Variants in GBP1 observed in about 807,000 individuals in gnomAD.
The protein encoded by GBP1 is guanylate binding protein 1.
A neutral mutation model predicts 69.5 loss-of-function variants in GBP1; 64 were observed. The ratio of observed to expected loss-of-function variants is 0.92; its 90% CI spans 0.75 to 1.13. The LOEUF (loss-of-function observed/expected upper bound fraction) is 1.13. Among genes scored for constraint, GBP1 ranks in the 50% most tolerant of loss-of-function variants. GBP1 has a pLI of 0.00. For synonymous variants in GBP1, 250 were observed against 261.2 expected (o/e 0.96, Z 0.41); for missense variants, 630 against 704.1 (o/e 0.89, Z 1.19).
intron 2 of GBP1, among the ~76,000 whole-genome samples, chr1:89,062,515 T>C (rs1680225042): frequency 6.6e-6 from 1 of 152,228 alleles, no homozygotes; most frequent in African/African-American, 2.4e-5. Flanking sequence ...TTTTGTTTAG[T>C]TAATACAGTT....
At chr1:89,064,199 A>ATGTGTGTGTGTGTG (rs759907157) in intron 1 of GBP1, among the ~76,000 whole-genome samples, 3 of 100,800 alleles carry the variant, frequency 3.0e-5, no homozygotes, top group African/African-American at 1.1e-4. Flanking sequence ...GGGGCTGGGA[A>ATGTGTGTGTGTGTG]TGTGTGTGTG....
rs1680073155 is a variant in GBP1 at position 89,057,278 on chromosome 1, C to T, written c.875-144G>A. The T allele has an allele frequency of 2.6e-6, 3 of 1,175,904 alleles. No individual in the cohort carries two copies. The East Asian group carries it at 7.6e-5, about 30-fold the overall frequency. 72.8% of individuals were successfully genotyped at this position (1,175,904 alleles called of 1,614,324 possible). A position where few individuals can be genotyped will look rare whatever the true frequency, so the allele number is the denominator to read the frequency against. ...CTTGGAAGCTTGCTGGAAATAGACT[C>T]TCAGACCCTGTCCGAGATCTATTGA... On this transcript the variant is annotated intron_variant, in intron 6 of 10. Coordinates refer to ENST00000370473, the MANE Select transcript of GBP1 (RefSeq NM_002053.3).
intron 2 of GBP1, among the ~76,000 whole-genome samples, chr1:89,062,316 C>A (rs890186665): frequency 1.3e-5 from 2 of 152,184 alleles, no homozygotes; most frequent in African/African-American, 4.8e-5. Flanking sequence ...CGTACAATTA[C>A]TAAGCCTTAA....
At chr1:89,059,136 T>C in intron 4 of GBP1, 93 bp from the exon 5 acceptor site, 4 of 1,591,802 alleles carry the variant, frequency 2.5e-6, no homozygotes, top group Non-Finnish European at 3.4e-6. Flanking sequence ...TTTCCTTTGC[T>C]CCTAACCTAA....
chr1:89,055,464 T>G, intron 8 of GBP1: 1 of 445,404 alleles, frequency 2.2e-6, no homozygotes, highest in Non-Finnish European at 4.1e-6. Context: ...CCTGTTTAGA[T>G]TAAGGGCTCT....
At chr1:89,057,226 C>T in intron 6 of GBP1, 92 bp from the exon 7 acceptor site, 3 of 1,533,640 alleles carry the variant, frequency 2.0e-6, no homozygotes, top group Non-Finnish European at 2.7e-6. Flanking sequence ...ACCTATTTTC[C>T]TCACAGCATC....
chr1:89,057,662 A>C (rs1478698692), intron 6 of GBP1, among the ~76,000 whole-genome samples: 1 of 152,244 alleles, frequency 6.6e-6, no homozygotes, highest in East Asian at 1.9e-4. Flanking sequence ...TTAGTCCTTG[A>C]AATACAGGCA....
intron 10 of GBP1, 27 bp from the exon 11 acceptor site, chr1:89,053,495 T>G (rs186561045): frequency 6.2e-7 from 1 of 1,609,124 alleles, no homozygotes; most frequent in African/African-American, 1.3e-5. Flanking sequence ...GAAGGCTGAG[T>G]AAAGTGTAGC....
rs139412886 is a variant in GBP1 at position 89,057,846 on chromosome 1, A to G, written c.874+146T>C. 2.5e-4 allele frequency: 240 copies of G among 951,004 alleles called. 3 individuals are homozygous for G. The East Asian group carries it at 4.5e-3, about 18-fold the overall frequency. The allele number at this position is 951,004 out of a possible 1,614,324, so 58.9% of individuals were successfully genotyped here. A position where few individuals can be genotyped will look rare whatever the true frequency, so the allele number is the denominator to read the frequency against. On this transcript the variant is annotated intron_variant, in intron 6 of 10. Coordinates refer to ENST00000370473, the MANE Select transcript of GBP1 (RefSeq NM_002053.3). Reference sequence around the variant, plus strand: ...TCCTAGACTGGAAATGTGACTAACAATATATGTTAGAAACATTGGTGCCAT... The same window carrying G: ...TCCTAGACTGGAAATGTGACTAACAGTATATGTTAGAAACATTGGTGCCAT...
rs1193143143 is a variant in GBP1, at chr1:89,063,212, G to A, written c.23C>T (p.Thr8Ile). 1.2e-6 allele frequency: 2 copies of A among 1,614,072 alleles called. No homozygotes were observed. The highest frequency in any genetic ancestry group is 1.1e-5 in the South Asian group (1 of 91,086). ...GTTCTCAATGAGGCACATTGGGCCT[G>A]TCATGTGGATCTCTGATGCCATGTC... The part of the protein sequence containing the change: MASEIHM[T>I]GPMCLIENTN... The change falls in exon 2 of 11, where the codon ACA (threonine) becomes ATA (isoleucine). Residue 8 changes from threonine to isoleucine, a missense_variant. Thr to Ile is a moderately conservative substitution (Grantham distance 89). Transcript: ENST00000370473.
intron 1 of GBP1, among the ~76,000 whole-genome samples, chr1:89,064,488 C>T (rs976818341): frequency 5.3e-5 from 8 of 152,132 alleles, no homozygotes; most frequent in African/African-American, 1.9e-4. Context: ...GGAAGCACTT[C>T]AGTGAAGCAG....
Position 89,058,142 on chromosome 1 carries a change from C to T in GBP1, c.724G>A (p.Val242Ile), listed in dbSNP as rs143822672. 94 of 1,613,890 alleles carry T rather than the reference C, an allele frequency of 5.8e-5. No homozygotes were observed. The highest frequency in any genetic ancestry group is 7.4e-5 in the Non-Finnish European group (87 of 1,179,926). Reference sequence around the variant, plus strand: ...AGCTGGGCAAGCTTCCTGCGGTGAACGGGCCGATCAAAGACAAAGCATTTT... The same window carrying T: ...AGCTGGGCAAGCTTCCTGCGGTGAATGGGCCGATCAAAGACAAAGCATTTT... ...KKKCFVFDRP[V>I]HRRKLAQLEK... is the part of the protein sequence containing the mutation. The change falls in exon 6 of 11, where the codon GTT becomes ATT. Residue 242 changes from valine to isoleucine, a missense_variant. Val to Ile is a conservative substitution (Grantham distance 29). Transcript: ENST00000370473.
intron 4 of GBP1, 112 bp from the exon 5 acceptor site, chr1:89,059,155 G>A (rs1309412062): frequency 3.8e-6 from 6 of 1,587,012 alleles, no homozygotes; most frequent in Non-Finnish European, 5.1e-6. Flanking sequence ...AAGTGTCAGT[G>A]TCAGTTCTAA....
chr1:89,058,696 G>T, intron 5 of GBP1, 145 bp downstream of exon 5: 1 of 751,938 alleles, frequency 1.3e-6, no homozygotes, highest in Non-Finnish European at 2.2e-6. Context: ...TATTAATTTG[G>T]ATATTCAGCA....
At position 89,052,760 on chromosome 1, in the gene GBP1, T is replaced by G. The variant is rs1237934072; in HGVS notation, c.*595A>C. On this transcript the variant is annotated 3_prime_UTR_variant, in exon 11 of 11. Transcript: ENST00000370473. The stretch of plus-strand genomic sequence containing the variant: ...GAAGTTTTCTTCATTAGCCCAATTG[T>G]TTATCACTCAATTCCTACTCCTGCC... The G allele has an allele frequency of 6.6e-6, 1 of 152,252 alleles. No homozygotes were observed. Among genetic ancestry groups the G allele is most frequent in the Non-Finnish European group, 1.5e-5 (1 of 68,056 alleles). The allele number at this position is 152,252 out of a possible 1,614,324, so 9.4% of individuals were successfully genotyped here.
chr1:89,063,262 G>C lies in GBP1; in HGVS notation c.-19-9C>G. 6.2e-7 allele frequency: 1 copy of C among 1,607,546 alleles called. No homozygotes were observed. The highest frequency in any genetic ancestry group is 1.1e-5 in the South Asian group (1 of 90,844). ...CCAGGCTGTTCCCTTGTCTGCAAGAGAAGAGGTGAAATACATGAGAATTTC... is the reference window on the plus strand; with the variant it reads ...CCAGGCTGTTCCCTTGTCTGCAAGACAAGAGGTGAAATACATGAGAATTTC... On this transcript the variant is annotated splice_polypyrimidine_tract_variant and intron_variant, in intron 1 of 10. Coordinates refer to ENST00000370473, the MANE Select transcript of GBP1 (RefSeq NM_002053.3).
In GBP1 at chr1:89,056,922, C is replaced by T; in HGVS notation, c.1087G>A (p.Glu363Lys). The T allele has an allele frequency of 6.2e-7, 1 of 1,614,246 alleles. No homozygotes were observed. Among genetic ancestry groups the T allele is most frequent in the East Asian group, 2.2e-5 (1 of 44,896 alleles). Residue 363 changes from glutamate (E) to lysine (K), a missense_variant, in exon 7 of 11, where the codon GAG (glutamate) becomes AAG (lysine). By Grantham distance (56) the Glu-to-Lys change is moderately conservative (BLOSUM62 1). Around this residue, in one of 5 missense-constraint regions of GBP1, gnomAD observed 367 missense variants for 369.5 expected, o/e 0.99. Coordinates refer to ENST00000370473, the MANE Select transcript of GBP1 (RefSeq NM_002053.3). ...CTCCTGATGAAGACTTCAATGGCCT[C>T]TCTCTCACTGTCCCTGTGCAGGTCC... ...LLDLHRDSER[E>K]AIEVFIRSSF...
intron 4 of GBP1, 94 bp from the exon 5 acceptor site, chr1:89,059,137 C>A: frequency 6.3e-7 from 1 of 1,591,284 alleles, no homozygotes; most frequent in Non-Finnish European, 8.6e-7. Flanking sequence ...TTCCTTTGCT[C>A]CTAACCTAAG....
rs1383249894 is a variant in GBP1 at position 89,053,200 on chromosome 1, A to C, written c.*155T>G. The C allele has an allele frequency of 1.9e-6, 1 of 520,504 alleles. No homozygotes were observed. The highest frequency in any genetic ancestry group is 3.3e-5 in the East Asian group (1 of 30,332). 32.2% of individuals were successfully genotyped at this position (520,504 alleles called of 1,614,324 possible). Reference sequence around the variant, plus strand: ...TTACAGTCTTTTTTTTTTTTTAAGAAAAAACATGATTTTGATCATTGTACC... The same window carrying C: ...TTACAGTCTTTTTTTTTTTTTAAGACAAAACATGATTTTGATCATTGTACC... On this transcript the variant is annotated 3_prime_UTR_variant, in exon 11 of 11. Transcript: ENST00000370473.
Sources: gnomAD v4.1 joint callset for allele counts (sites outside exome capture counted in the v4.1 genomes callset) on GRCh38, gnomAD v4.1.1 for gene constraint, gnomAD v4.1.1 regional missense constraint, MANE v1.5 for transcripts, NCBI Gene and HGNC (gene_info 2026-07-23, HGNC 2026-07-21) for gene names.